LARP4: variants seen among roughly 807,000 people sequenced by gnomAD.
LARP4 encodes La ribonucleoprotein 4.
In LARP4, 29 loss-of-function variants were observed where a neutral mutation model predicts 92.9. That is an observed-to-expected ratio of 0.31 (90% CI 0.23 to 0.43). The LOEUF is 0.43. Ranked by LOEUF, LARP4 falls within the 20% of genes least tolerant of loss-of-function variation. The pLI is 1.00. For missense variants in LARP4, 732 were observed against 860.0 expected (o/e 0.85, Z 1.86); for synonymous variants, 279 against 284.1 (o/e 0.98, Z 0.18).
intron 1 of LARP4, among the ~76,000 whole-genome samples, chr12:50,423,531 C>T (rs998133467): frequency 6.6e-4 from 100 of 152,252 alleles, no homozygotes; most frequent in African/African-American, 2.4e-3. Flanking sequence ...TCACCACAAC[C>T]TCCACCTTCA....
intron 1 of LARP4, among the ~76,000 whole-genome samples, chr12:50,406,573 A>G (rs1277691542): frequency 1.3e-5 from 2 of 151,948 alleles, no homozygotes; most frequent in African/African-American, 4.8e-5. Flanking sequence ...ATTCACAGGT[A>G]CAGTCATGGC....
In LARP4 at chr12:50,476,577, A is replaced by G. The variant is rs1011933094; in HGVS notation, c.*713A>G. ...ATTGTACTTAGAGATGTGACTACCA[A>G]TCAGTTTGATACTCAAGGAAAGGGG... is the stretch of plus-strand genomic sequence containing the variant. On this transcript the variant is annotated 3_prime_UTR_variant, in exon 16 of 16. Coordinates refer to ENST00000398473, the MANE Select transcript of LARP4 (RefSeq NM_052879.5). The G allele has an allele frequency of 2.6e-5, 4 of 152,600 alleles. No homozygotes were observed. Among genetic ancestry groups the G allele is most frequent in the Non-Finnish European group, 4.4e-5 (3 of 68,038 alleles). 9.5% of individuals were successfully genotyped at this position (152,600 alleles called of 1,614,324 possible). A position where few individuals can be genotyped will look rare whatever the true frequency, so the allele number is the denominator to read the frequency against.
intron 8 of LARP4, among the ~76,000 whole-genome samples, chr12:50,447,519 A>T (rs568422590): frequency 1.7e-3 from 256 of 152,284 alleles, no homozygotes; most frequent in South Asian, 3.3e-3. Flanking sequence ...AATTGATAAA[A>T]TGGTATAATT....
chr12:50,443,546 T>C (rs1260760271), intron 8 of LARP4, among the ~76,000 whole-genome samples: 1 of 152,182 alleles, frequency 6.6e-6, no homozygotes, highest in Non-Finnish European at 1.5e-5. Context: ...AGATTACAGA[T>C]GTGAGCCACC....
intron 15 of LARP4, 25 bp from the exon 16 acceptor site, chr12:50,475,500 TG>T (rs756051902): frequency 2.0e-4 from 308 of 1,504,250 alleles, no homozygotes; most frequent in Admixed American, 4.1e-4. Flanking sequence ...GTACCATAAA[TG>T]TTTTTTTTTA....
intron 1 of LARP4, among the ~76,000 whole-genome samples, chr12:50,419,225 A>G (rs1193571753): frequency 6.6e-6 from 1 of 152,122 alleles, no homozygotes; most frequent in East Asian, 1.9e-4. Flanking sequence ...TCAGCTGGGC[A>G]TGGTGTCATT....
At chr12:50,409,588 C>T (rs966074146) in intron 1 of LARP4, among the ~76,000 whole-genome samples, 9 of 151,958 alleles carry the variant, frequency 5.9e-5, no homozygotes, top group South Asian at 4.1e-4. Flanking sequence ...TGGCAAAACC[C>T]CATCTCTACC....
chr12:50,405,431 ATT>A (rs1465181818), intron 1 of LARP4, among the ~76,000 whole-genome samples: 2 of 146,592 alleles, frequency 1.4e-5, no homozygotes, highest in African/African-American at 4.9e-5. Context: ...AAATTTTTTC[ATT>A]TCTCTCTTTT....
intron 8 of LARP4, among the ~76,000 whole-genome samples, chr12:50,449,115 T>C (rs1699026109): frequency 6.6e-6 from 1 of 152,030 alleles, no homozygotes; most frequent in Admixed American, 6.6e-5. Context: ...TTGTGGCTTA[T>C]GCCTGTAGTC....
In LARP4 at chr12:50,474,127, GTAA is replaced by G. The variant is rs769984335; in HGVS notation, c.1803_1805del (p.Asn602del). Reference sequence around the variant, plus strand: ...TCGAGGGCAAGTACTGCTTCACCATGTAATAATAACATAAATGCAGCTACAGCT... The same window carrying G: ...TCGAGGGCAAGTACTGCTTCACCATGTAATAACATAAATGCAGCTACAGCT... On this transcript the variant is annotated inframe_deletion, in exon 15 of 16. Transcript: ENST00000398473. The G allele has an allele frequency of 4.3e-6, 7 of 1,613,004 alleles. No individual in the cohort carries two copies. The South Asian group carries it at 5.5e-5, about 13-fold the overall frequency.
chr12:50,457,822 A>AAAG (rs1954602366), intron 10 of LARP4, among the ~76,000 whole-genome samples: 2 of 151,706 alleles, frequency 1.3e-5, no homozygotes, highest in African/African-American at 4.8e-5. Flanking sequence ...CAAAAAAAAA[A>AAAG]AAAATTACTT....
Position 50,474,424 on chromosome 12 carries a change from T to C in LARP4, c.1836+257T>C, listed in dbSNP as rs184868585. Among the ~76,000 whole-genome samples the C allele has an allele frequency of 5.2e-3, 791 of 152,238 alleles. 10 individuals carry two copies. Among genetic ancestry groups the C allele is most frequent in the Non-Finnish European group, 8.1e-3 (548 of 67,998 alleles). On this transcript the variant is annotated intron_variant, in intron 15 of 15. Transcript: ENST00000398473. ...GTGCAGTGGCACGATCTCGCGTCAC[T>C]GCAAGCTCCGCCTCCCGGGTTCACG...
intron 1 of LARP4, among the ~76,000 whole-genome samples, chr12:50,417,005 G>C (rs1368964781): frequency 6.6e-6 from 1 of 152,044 alleles, no homozygotes; most frequent in African/African-American, 2.4e-5. Context: ...TAGCCAGAGT[G>C]GATTTGAATA....
chr12:50,432,809 G>A (rs1593032581), intron 4 of LARP4, among the ~76,000 whole-genome samples: 2 of 146,412 alleles, frequency 1.4e-5, no homozygotes, highest in Middle Eastern at 3.6e-3. Flanking sequence ...GCAGTGAGCC[G>A]AGATCGCACC....
intron 9 of LARP4, 142 bp downstream of exon 9, chr12:50,453,814 G>A (rs374329608): frequency 7.4e-5 from 44 of 593,374 alleles, no homozygotes; most frequent in Middle Eastern, 4.7e-4. Flanking sequence ...TGTATTTTTC[G>A]TAGAGATGGA....
chr12:50,405,768 T>G (rs184738554), intron 1 of LARP4, among the ~76,000 whole-genome samples: 2 of 152,302 alleles, frequency 1.3e-5, no homozygotes. Flanking sequence ...CAGTTGTCCC[T>G]CAGTATTTGT....
Position 50,453,533 on chromosome 12 carries a change from A to G in LARP4, c.878A>G (p.His293Arg). The change falls in exon 9 of 16, where the codon CAC (histidine) becomes CGC (arginine). Residue 293 changes from histidine (H) to arginine (R), a missense_variant. Coordinates refer to ENST00000398473, the MANE Select transcript of LARP4 (RefSeq NM_052879.5). Reference protein sequence around the residue: ...YRLMDSSIYSHPIQTQAQYAS... With the variant: ...YRLMDSSIYSRPIQTQAQYAS... ...TTAATGGATTCTAGTATCTATAGTC[A>G]CCCCATTCAAACTCAAGCACAGTAT... 6.2e-7 allele frequency: 1 copy of G among 1,613,002 alleles called. No individual in the cohort carries two copies. The highest frequency in any genetic ancestry group is 1.1e-5 in the South Asian group (1 of 91,054).
chr12:50,436,464 A>G (rs1378657643), intron 5 of LARP4, among the ~76,000 whole-genome samples: 1 of 152,158 alleles, frequency 6.6e-6, no homozygotes, highest in African/African-American at 2.4e-5. Context: ...TCAAGTTTTT[A>G]AACCCAAATA....
At chr12:50,460,860 G>A (rs1236124379) in intron 10 of LARP4, among the ~76,000 whole-genome samples, 4 of 152,058 alleles carry the variant, frequency 2.6e-5, no homozygotes, top group African/African-American at 7.2e-5. Flanking sequence ...GGAGAATGGC[G>A]TGAACCCGGA....
Sources: gnomAD v4.1 joint callset for allele counts (sites outside exome capture counted in the v4.1 genomes callset) on GRCh38, gnomAD v4.1.1 for gene constraint, MANE v1.5 for transcripts, NCBI Gene and HGNC (gene_info 2026-07-23, HGNC 2026-07-21) for gene names.